Variants in DLC1 observed in about 807,000 individuals in gnomAD.
The protein encoded by DLC1 is rho GTPase-activating protein 7.
A neutral mutation model predicts 140.3 loss-of-function variants in DLC1; 54 were observed. The observed-to-expected ratio is 0.38, with a 90% confidence interval of 0.31 to 0.48. The LOEUF is 0.48. Ranked by LOEUF, DLC1 falls within the 20% of genes least tolerant of loss-of-function variation. The pLI, the probability that DLC1 is intolerant of heterozygous loss-of-function variation, is 0.96. For missense variants in DLC1, 2,536 were observed against 1,907.0 expected, an observed-to-expected ratio of 1.33 and a Z score of -6.14; for synonymous variants, 986 against 728.1, an observed-to-expected ratio of 1.35 and a Z score of -5.70.
intron 5 of DLC1, among the ~76,000 whole-genome samples, chr8:13,212,484 T>C (rs1188311): frequency 0.018 from 2,706 of 152,304 alleles, 73 homozygotes; most frequent in African/African-American, 0.062. Context: ...TTCTTATTTG[T>C]TCATTTCATA....
chr8:13,102,755 T>C (rs200690781), intron 8 of DLC1, 35 bp downstream of exon 8: 5 of 1,581,872 alleles, frequency 3.2e-6, no homozygotes, highest in Admixed American at 1.7e-5. Flanking sequence ...TTGCCCCTTT[T>C]CCCCCTCATT....
intron 2 of DLC1, 98 bp downstream of exon 2, chr8:13,498,951 C>A: frequency 2.9e-6 from 4 of 1,388,454 alleles, no homozygotes; most frequent in South Asian, 1.6e-5. Flanking sequence ...GCAAAAGAAC[C>A]ATCTTCATAT....
intron 4 of DLC1, among the ~76,000 whole-genome samples, chr8:13,344,164 A>T (rs1834203477): frequency 6.6e-6 from 1 of 152,230 alleles, no homozygotes; most frequent in African/African-American, 2.4e-5. Flanking sequence ...TGAAGAAAGT[A>T]CAAAGATGAA....
intron 5 of DLC1, among the ~76,000 whole-genome samples, chr8:13,170,646 C>T (rs1300726916): frequency 2.0e-5 from 3 of 147,472 alleles, no homozygotes; most frequent in African/African-American, 5.0e-5. Context: ...AGGAGAATGG[C>T]GTGAACCCGG....
intron 5 of DLC1, among the ~76,000 whole-genome samples, chr8:13,159,172 G>A (rs957793068): frequency 1.3e-5 from 2 of 152,106 alleles, no homozygotes; most frequent in Non-Finnish European, 2.9e-5. Flanking sequence ...ATACCAGTAC[G>A]GTGGCAGGAG....
chr8:13,466,622 A>G (rs952830270), intron 2 of DLC1, among the ~76,000 whole-genome samples: 2 of 152,164 alleles, frequency 1.3e-5, no homozygotes, highest in African/African-American at 2.4e-5. Context: ...ATCCACAACC[A>G]TCTTCCCTGG....
intron 2 of DLC1, among the ~76,000 whole-genome samples, chr8:13,429,133 G>T (rs774057664): frequency 6.6e-6 from 1 of 152,132 alleles, no homozygotes; most frequent in Non-Finnish European, 1.5e-5. Context: ...CCTCAATGGC[G>T]TTTAAGGTGT....
At chr8:13,256,414 A>G (rs1830228749) in intron 5 of DLC1, among the ~76,000 whole-genome samples, 2 of 152,250 alleles carry the variant, frequency 1.3e-5, no homozygotes. Flanking sequence ...ATAAAGACAC[A>G]CGCACACGTA....
rs752588926 is a variant in DLC1 at position 13,305,252 on chromosome 8, C to T, written c.1348+17G>A. 3.7e-6 allele frequency: 6 copies of T among 1,604,206 alleles called. No individual in the cohort carries two copies. The East Asian group carries it at 1.1e-4, about 30-fold the overall frequency. On this transcript the variant is annotated intron_variant, in intron 5 of 17. Transcript: ENST00000276297. Reference sequence around the variant, plus strand: ...AAAATAGATTGGCGAGAAAACAGAACCAAAATGTCAACTTACCAGCCTTTT... The same window carrying T: ...AAAATAGATTGGCGAGAAAACAGAATCAAAATGTCAACTTACCAGCCTTTT...
chr8:13,201,329 TA>T (rs1827368303), intron 5 of DLC1, among the ~76,000 whole-genome samples: 1 of 152,158 alleles, frequency 6.6e-6, no homozygotes, highest in South Asian at 2.1e-4. Context: ...CATGTAATAA[TA>T]AAAATTAAAA....
intron 2 of DLC1, among the ~76,000 whole-genome samples, chr8:13,409,729 T>G (rs1419011026): frequency 6.6e-6 from 1 of 152,178 alleles, no homozygotes; most frequent in Non-Finnish European, 1.5e-5. Context: ...GGCTTGTTTC[T>G]TTGAATGAAT....
chr8:13,167,938 A>G (rs1294502062), intron 5 of DLC1, among the ~76,000 whole-genome samples: 2 of 152,218 alleles, frequency 1.3e-5, no homozygotes, highest in African/African-American at 4.8e-5. Flanking sequence ...AATGTACACC[A>G]AGTACCATTT....
intron 4 of DLC1, among the ~76,000 whole-genome samples, chr8:13,319,103 T>C (rs1299708663): frequency 6.6e-6 from 1 of 152,224 alleles, no homozygotes; most frequent in Non-Finnish European, 1.5e-5. Context: ...ATACCTATAA[T>C]GGGGATACCT....
At chr8:13,130,499 A>G (rs1821988713) in intron 5 of DLC1, among the ~76,000 whole-genome samples, 1 of 152,230 alleles carries the variant, frequency 6.6e-6, no homozygotes, top group South Asian at 2.1e-4. Flanking sequence ...AGTACAGAAC[A>G]ACAAAAAAAC....
At chr8:13,377,488 A>G (rs1013967799) in intron 4 of DLC1, among the ~76,000 whole-genome samples, 1 of 152,314 alleles carries the variant, frequency 6.6e-6, no homozygotes, top group Non-Finnish European at 1.5e-5. Context: ...TTTCAAGGTG[A>G]GTAACCTTGA....
At chr8:13,586,595 AC>A (rs1805324459) in intron 1 of DLC1, among the ~76,000 whole-genome samples, 2 of 123,644 alleles carry the variant, frequency 1.6e-5, no homozygotes, top group African/African-American at 5.6e-5. Context: ...ACATGCACAC[AC>A]ACACACACAC....
chr8:13,596,242 A>T (rs1327997544), intron 1 of DLC1, among the ~76,000 whole-genome samples: 5 of 151,996 alleles, frequency 3.3e-5, no homozygotes, highest in African/African-American at 4.8e-5. Flanking sequence ...AACCTTTAAA[A>T]ATGGCTTTCC....
At chr8:13,385,747 A>C (rs976477912) in intron 4 of DLC1, among the ~76,000 whole-genome samples, 3 of 152,220 alleles carry the variant, frequency 2.0e-5, no homozygotes, top group Non-Finnish European at 4.4e-5. Context: ...CCCTCTGTGT[A>C]AACTTTGTAT....
intron 1 of DLC1, among the ~76,000 whole-genome samples, chr8:13,577,563 G>A (rs1804887542): frequency 6.6e-6 from 1 of 152,018 alleles, no homozygotes; most frequent in African/African-American, 2.4e-5. Context: ...ATAAAATTTT[G>A]CCAATTGTTC....
Sources: allele counts gnomAD v4.1 joint callset (sites outside exome capture counted in the v4.1 genomes callset), GRCh38; gene constraint gnomAD v4.1.1; transcripts MANE v1.5; gene names NCBI Gene and HGNC (gene_info 2026-07-23, HGNC 2026-07-21).